The following KALRN variants were observed in gnomAD, a reference collection of about 807,000 sequenced individuals.
The protein encoded by KALRN is kalirin.
A neutral mutation model predicts 353.7 loss-of-function variants in KALRN; 70 were observed. The ratio of observed to expected loss-of-function variants is 0.20; its 90% CI spans 0.16 to 0.24. KALRN has a LOEUF of 0.24. Ranked by LOEUF, KALRN falls within the 10% of genes least tolerant of loss-of-function variation. The pLI is 1.00. For missense variants in KALRN, 2,791 were observed against 3,756.7 expected (o/e 0.74, Z 6.72); for synonymous variants, 1,391 against 1,434.8 (o/e 0.97, Z 0.69).
chr3:124,092,201 G>T (rs934256593), intron 1 of KALRN, among the ~76,000 whole-genome samples: 1 of 152,164 alleles, frequency 6.6e-6, no homozygotes, highest in African/African-American at 2.4e-5. Context: ...GGAATGTTTT[G>T]CCCTTGATTA....
At chr3:124,175,020 C>T (rs2072460354) in intron 1 of KALRN, among the ~76,000 whole-genome samples, 1 of 152,142 alleles carries the variant, frequency 6.6e-6, no homozygotes, top group Non-Finnish European at 1.5e-5. Flanking sequence ...GACCAGTGTC[C>T]CATATCCCTG....
intron 23 of KALRN, among the ~76,000 whole-genome samples, chr3:124,460,873 G>A (rs1478981631): frequency 6.6e-6 from 1 of 152,186 alleles, no homozygotes; most frequent in African/African-American, 2.4e-5. Flanking sequence ...GGCCCAAGGA[G>A]GAAGAGAACC....
At chr3:124,237,866 T>C (rs1460845197) in intron 3 of KALRN, among the ~76,000 whole-genome samples, 1 of 152,040 alleles carries the variant, frequency 6.6e-6, no homozygotes, top group Non-Finnish European at 1.5e-5. Context: ...CATTGTAGCG[T>C]AGGAGATGAA....
chr3:124,403,583 C>A (rs1376436289), intron 13 of KALRN, among the ~76,000 whole-genome samples: 49 of 152,132 alleles, frequency 3.2e-4, no homozygotes, highest in Admixed American at 3.2e-3. Flanking sequence ...AGGGGCCAGG[C>A]TAAGGCTGGG....
At chr3:124,374,599 G>A (rs1435131878) in intron 10 of KALRN, among the ~76,000 whole-genome samples, 3 of 152,164 alleles carry the variant, frequency 2.0e-5, no homozygotes, top group Non-Finnish European at 4.4e-5. Flanking sequence ...GTCAGGAACA[G>A]CCTTTTCCTC....
Position 124,330,246 on chromosome 3 carries a change from T to TCTCACACA in KALRN, c.1416+255_1416+256insTCACACAC, listed in dbSNP as rs1421313474. Reference sequence around the variant, plus strand: ...CGCATTCATTCTCTCTCTCTCTCTCTCACACACACACACACACACACACAC... The same window carrying TCTCACACA: ...CGCATTCATTCTCTCTCTCTCTCTCTCTCACACACACACACACACACACACACACACAC... On this transcript the variant is annotated intron_variant, in intron 8 of 59. Transcript: ENST00000682506. 5.9e-3 allele frequency among the ~76,000 whole-genome samples: 794 copies of TCTCACACA among 134,358 alleles called. 1 individual carries two copies. The highest frequency in any genetic ancestry group is 9.4e-3 in the Non-Finnish European group (593 of 63,046). 88.1% of individuals were successfully genotyped at this position (134,358 alleles called of 152,430 possible).
At chr3:124,183,453 T>G (rs2073864829) in intron 1 of KALRN, among the ~76,000 whole-genome samples, 1 of 152,054 alleles carries the variant, frequency 6.6e-6, no homozygotes, top group South Asian at 2.1e-4. Context: ...GAACTAACTA[T>G]TGCAAGGTCA....
intron 56 of KALRN, among the ~76,000 whole-genome samples, chr3:124,700,331 C>A (rs1479766675): frequency 6.6e-6 from 1 of 152,080 alleles, no homozygotes; most frequent in Non-Finnish European, 1.5e-5. Flanking sequence ...TCTTCTGAGA[C>A]AGTAATACAA....
intron 14 of KALRN, among the ~76,000 whole-genome samples, chr3:124,415,908 G>A (rs2092468706): frequency 1.3e-5 from 2 of 152,204 alleles, no homozygotes; most frequent in South Asian, 4.1e-4. Flanking sequence ...TAAATGGTGT[G>A]TACATTAAAA....
At chr3:124,413,018 C>G (rs1414914714) in intron 13 of KALRN, among the ~76,000 whole-genome samples, 1 of 152,110 alleles carries the variant, frequency 6.6e-6, no homozygotes, top group Non-Finnish European at 1.5e-5. Flanking sequence ...ACAGCAACAA[C>G]TGTGGGATGG....
intron 1 of KALRN, among the ~76,000 whole-genome samples, chr3:124,098,297 G>A (rs752170273): frequency 2.0e-5 from 3 of 152,138 alleles, no homozygotes; most frequent in Non-Finnish European, 4.4e-5. Context: ...TGTTTTCCCC[G>A]ATGCCTGCTT....
intron 10 of KALRN, among the ~76,000 whole-genome samples, chr3:124,375,328 T>C (rs73858435): frequency 0.015 from 2,237 of 152,316 alleles, 51 homozygotes; most frequent in African/African-American, 0.051. Flanking sequence ...TGCTGTCTAT[T>C]GTTCCCTCTG....
chr3:124,562,772 C>A, intron 33 of KALRN, 71 bp from the exon 34 acceptor site: 1 of 1,240,958 alleles, frequency 8.1e-7, no homozygotes. Flanking sequence ...CTCTCACCAA[C>A]CCTCTCCCAT....
At chr3:124,194,997 G>A (rs2075291421) in intron 1 of KALRN, among the ~76,000 whole-genome samples, 1 of 152,178 alleles carries the variant, frequency 6.6e-6, no homozygotes, top group Non-Finnish European at 1.5e-5. Context: ...TGACAAGTAT[G>A]AGAACATTTA....
rs149582705 is a variant in KALRN at position 124,712,155 on chromosome 3, A to T, written c.8076-780A>T. Reference sequence around the variant, plus strand: ...TCTCAGAAATCACCCTCTAAAGAACATATTCATGTAACCAAACACCACCTG... The same window carrying T: ...TCTCAGAAATCACCCTCTAAAGAACTTATTCATGTAACCAAACACCACCTG... On this transcript the variant is annotated intron_variant, in intron 57 of 59. Transcript: ENST00000682506. Among the ~76,000 whole-genome samples the T allele has an allele frequency of 1.1e-4, 17 of 152,278 alleles. No homozygotes were observed. In the East Asian group the frequency reaches 2.5e-3, roughly 23 times the overall value.
At chr3:124,317,542 T>C (rs2078922149) in intron 6 of KALRN, among the ~76,000 whole-genome samples, 1 of 152,042 alleles carries the variant, frequency 6.6e-6, no homozygotes, top group South Asian at 2.1e-4. Flanking sequence ...GCTCCTCAGC[T>C]CCTAACTGCA....
intron 10 of KALRN, among the ~76,000 whole-genome samples, chr3:124,364,207 C>T (rs1450735847): frequency 2.0e-5 from 3 of 152,174 alleles, no homozygotes; most frequent in Non-Finnish European, 4.4e-5. Context: ...TATGGAATTA[C>T]TTATGGTTCT....
chr3:124,512,122 C>T (rs971324632), intron 33 of KALRN, among the ~76,000 whole-genome samples: 1 of 152,142 alleles, frequency 6.6e-6, no homozygotes. Context: ...GTGTGTGTTC[C>T]TCAGTGTGTT....
At chr3:124,690,949 G>A (rs1362815617) in intron 51 of KALRN, among the ~76,000 whole-genome samples, 1 of 152,130 alleles carries the variant, frequency 6.6e-6, no homozygotes. Context: ...ATAAGTTCTT[G>A]GAAGGTCTGA....
Sources: allele counts gnomAD v4.1 joint callset (sites outside exome capture counted in the v4.1 genomes callset), GRCh38; gene constraint gnomAD v4.1.1; transcripts MANE v1.5; gene names NCBI Gene and HGNC (gene_info 2026-07-23, HGNC 2026-07-21).